MTSS2: variants seen among roughly 807,000 people sequenced by gnomAD.
MTSS2 encodes the protein protein MTSS 2.
MTSS2 carries 27 observed loss-of-function variants against 67.1 expected under a neutral mutation model. The observed-to-expected ratio is 0.40, with a 90% CI of 0.30 to 0.55. The LOEUF is 0.55. Ranked by LOEUF, MTSS2 falls within the 20% of genes least tolerant of loss-of-function variation. MTSS2 has a pLI of 0.43. For missense variants in MTSS2, 1,171 were observed against 1,067.8 expected, an observed-to-expected ratio of 1.10 and a Z score of -1.35; for synonymous variants, 624 against 468.6, an observed-to-expected ratio of 1.33 and a Z score of -4.28.
intron 11 of MTSS2, among the ~76,000 whole-genome samples, chr16:70,668,420 C>A (rs1354837133): frequency 6.9e-6 from 1 of 145,124 alleles, no homozygotes. Flanking sequence ...AAAAAAAAGA[C>A]TTTTTATAAA....
intron 4 of MTSS2, 37 bp downstream of exon 4, chr16:70,679,932 GTC>G: frequency 1.4e-6 from 1 of 709,050 alleles, no homozygotes; most frequent in Non-Finnish European, 2.2e-6. Flanking sequence ...GCGACGCCCC[GTC>G]CCCCCGCCCC....
rs755009603 is a variant in MTSS2, at chr16:70,664,583, G to A, written c.1471+15C>T. The A allele has an allele frequency of 8.7e-6, 14 of 1,609,750 alleles. No homozygotes were observed. Among genetic ancestry groups the A allele is most frequent in the South Asian group, 1.1e-5 (1 of 90,898 alleles). ...CCCAGCTGTCCCTGGTCCCACCCCA[G>A]CCCCGCGGGCCTGCCTTGGGAGGGG... On this transcript the variant is annotated intron_variant, in intron 14 of 14. Coordinates refer to ENST00000338779, the MANE Select transcript of MTSS2 (RefSeq NM_138383.3).
At position 70,679,952 on chromosome 16, in the gene MTSS2, GC is replaced by G; in HGVS notation, c.290+18del. The G allele has an allele frequency of 1.5e-6, 1 of 679,556 alleles. No homozygotes were observed. The highest frequency in any genetic ancestry group is 2.3e-6 in the Non-Finnish European group (1 of 436,508). The allele number at this position is 679,556 out of a possible 1,614,324, so 42.1% of individuals were successfully genotyped here. A position where few individuals can be genotyped will look rare whatever the true frequency, so the allele number is the denominator to read the frequency against. On this transcript the variant is annotated intron_variant, in intron 4 of 14. Transcript: ENST00000338779. ...GCCCCGTCCCCCCGCCCCCCTGCCC[GC>G]CCGCAGCGCCCACTCACTTGGTGAA...
At chr16:70,666,779 G>A (rs1308242832) in intron 11 of MTSS2, among the ~76,000 whole-genome samples, 1 of 152,222 alleles carries the variant, frequency 6.6e-6, no homozygotes, top group Non-Finnish European at 1.5e-5. Context: ...TTCAACACTT[G>A]CTCATGAAAA....
At position 70,668,935 on chromosome 16, in the gene MTSS2, AT is replaced by A. The variant is rs201818828; in HGVS notation, c.1054-3396del. ...CGGCAGTCCAAATTGACTAAGACAG[AT>A]TTTTTTTTTCAATACACTGTTCTGG... On this transcript the variant is annotated intron_variant, in intron 11 of 14. Coordinates refer to ENST00000338779, the MANE Select transcript of MTSS2 (RefSeq NM_138383.3). Among the ~76,000 whole-genome samples the A allele has an allele frequency of 7.3e-5, 11 of 150,634 alleles. No homozygotes were observed. The East Asian group carries it at 7.8e-4, about 11-fold the overall frequency.
rs1310722433 is a variant in MTSS2 at position 70,665,596 on chromosome 16, G to A, written c.1054-56C>T. Reference sequence around the variant, plus strand: ...GACAGAGGGGCCGGCAGGCAGCAAGGAGGAGAGGAGAGAACAGTTTTGGTC... The same window carrying A: ...GACAGAGGGGCCGGCAGGCAGCAAGAAGGAGAGGAGAGAACAGTTTTGGTC... On this transcript the variant is annotated intron_variant, in intron 11 of 14. Coordinates refer to ENST00000338779, the MANE Select transcript of MTSS2 (RefSeq NM_138383.3). 4.1e-6 allele frequency: 6 copies of A among 1,448,988 alleles called. No individual in the cohort carries two copies. In the Admixed American group the frequency reaches 1.0e-4, roughly 24 times the overall value. The allele number at this position is 1,448,988 out of a possible 1,614,324, so 89.8% of individuals were successfully genotyped here. A position where few individuals can be genotyped will look rare whatever the true frequency, so the allele number is the denominator to read the frequency against.
In MTSS2 at chr16:70,680,014, T is replaced by C; in HGVS notation, c.247A>G (p.Met83Val). 5.2e-6 allele frequency: 8 copies of C among 1,538,714 alleles called. No individual in the cohort carries two copies. The highest frequency in any genetic ancestry group is 6.9e-6 in the Non-Finnish European group (8 of 1,151,460). The change falls in exon 4 of 15, where the codon ATG (methionine) becomes GTG (valine). Residue 83 changes from methionine to valine, a missense_variant. Physicochemically the swap from Met to Val is conservative, Grantham distance 21. Transcript: ENST00000338779. ...TTGGTCTCGATGCTGCGGTGGCGCATGCACATGCGTGTGAGCGCCGAGCCG... is the reference window on the plus strand; with the variant it reads ...TTGGTCTCGATGCTGCGGTGGCGCACGCACATGCGTGTGAGCGCCGAGCCG... ...DIGSALTRMC[M>V]RHRSIETKLR...
rs556730482 is a variant in MTSS2, at chr16:70,667,387, T to C, written c.1054-1847A>G. ...TAGAATTAGTAAGGGGTTAACCCTT[T>C]AACAAGATTATTAGAACAAAATCCG... On this transcript the variant is annotated intron_variant, in intron 11 of 14. Transcript: ENST00000338779. Among the ~76,000 whole-genome samples the C allele has an allele frequency of 3.4e-4, 52 of 151,504 alleles. No homozygotes were observed. In the South Asian group the frequency reaches 0.01, roughly 30 times the overall value.
intron 10 of MTSS2, 68 bp downstream of exon 10, chr16:70,676,813 C>A: frequency 7.2e-7 from 1 of 1,379,348 alleles, no homozygotes; most frequent in Non-Finnish European, 1.0e-6. Flanking sequence ...TGCAATTTTG[C>A]TGGGAACATC....
Position 70,664,409 on chromosome 16 carries a change from G to A in MTSS2, c.1512C>T (p.Asp504=), listed in dbSNP as rs372253854. The A allele has an allele frequency of 6.4e-7, 1 of 1,553,538 alleles. No homozygotes were observed. The highest frequency in any genetic ancestry group is 8.7e-7 in the Non-Finnish European group (1 of 1,154,610). The part of the protein sequence containing the change: ...YDCYSVNGDA[D]SEGPPEFDKS... ...TGTCAAACTCGGGCGGGCCCTCGCT[G>A]TCCGCATCCCCATTCACGGAGTAGC... is the stretch of plus-strand genomic sequence containing the variant. The change falls in exon 15 of 15, where the codon GAC becomes GAT. Residue 504 remains aspartate (D), a synonymous_variant. Coordinates refer to ENST00000338779, the MANE Select transcript of MTSS2 (RefSeq NM_138383.3).
chr16:70,668,252 A>G (rs1023222977), intron 11 of MTSS2, among the ~76,000 whole-genome samples: 2 of 151,964 alleles, frequency 1.3e-5, no homozygotes, highest in Non-Finnish European at 2.9e-5. Flanking sequence ...AATACAAAAA[A>G]TACAAAAAAT....
At chr16:70,674,754 G>C (rs1029030066) in intron 10 of MTSS2, among the ~76,000 whole-genome samples, 12 of 152,228 alleles carry the variant, frequency 7.9e-5, no homozygotes, top group African/African-American at 2.2e-4. Context: ...CCAGTGCTGA[G>C]GGGAGCCGTG....
At chr16:70,668,240 C>T (rs1162694242) in intron 11 of MTSS2, among the ~76,000 whole-genome samples, 1 of 151,574 alleles carries the variant, frequency 6.6e-6, no homozygotes, top group African/African-American at 2.4e-5. Flanking sequence ...TGACAAAACC[C>T]CAATACAAAA....
At chr16:70,679,207 G>GC in intron 7 of MTSS2, 108 bp downstream of exon 7, 1 of 1,422,852 alleles carries the variant, frequency 7.0e-7, no homozygotes, top group Non-Finnish European at 9.9e-7. Context: ...CGCCTTCCTC[G>GC]CTTCTCCTTG....
rs1384213376 is a variant in MTSS2, at chr16:70,663,510, C to T, written c.*167G>A. The T allele has an allele frequency of 5.4e-6, 7 of 1,300,994 alleles. No homozygotes were observed. The highest frequency in any genetic ancestry group is 1.5e-5 in the African/African-American group (1 of 66,074). 80.6% of individuals were successfully genotyped at this position (1,300,994 alleles called of 1,614,324 possible). ...GCCAGGCTTGCTAAGAAGTCACTTC[C>T]TGTTTAAATGCTGGAATCCAAGTGA... On this transcript the variant is annotated 3_prime_UTR_variant, in exon 15 of 15. Coordinates refer to ENST00000338779, the MANE Select transcript of MTSS2 (RefSeq NM_138383.3).
intron 11 of MTSS2, among the ~76,000 whole-genome samples, chr16:70,667,351 C>A (rs1390220897): frequency 6.8e-6 from 1 of 146,172 alleles, no homozygotes; most frequent in Non-Finnish European, 1.5e-5. Context: ...AAGAAAGAAT[C>A]TACAAATTAT....
At chr16:70,668,334 G>A (rs921024120) in intron 11 of MTSS2, among the ~76,000 whole-genome samples, 2 of 152,010 alleles carry the variant, frequency 1.3e-5, no homozygotes, top group Non-Finnish European at 2.9e-5. Flanking sequence ...GCTTAAGCCT[G>A]GGGACAGAGG....
Position 70,661,493 on chromosome 16 carries a change from C to A in MTSS2, c.*2184G>T. Reference sequence around the variant, plus strand: ...CAGGAAAGTTACTTCAGTCAAAAGACGCTTTTGAAAAGAATATTTCTCCGT... The same window carrying A: ...CAGGAAAGTTACTTCAGTCAAAAGAAGCTTTTGAAAAGAATATTTCTCCGT... On this transcript the variant is annotated 3_prime_UTR_variant, in exon 15 of 15. Transcript: ENST00000338779. 2.9e-6 allele frequency: 1 copy of A among 350,612 alleles called. No homozygotes were observed. Among genetic ancestry groups the A allele is most frequent in the Non-Finnish European group, 5.6e-6 (1 of 177,696 alleles). 21.7% of individuals were successfully genotyped at this position (350,612 alleles called of 1,614,324 possible). A position where few individuals can be genotyped will look rare whatever the true frequency, so the allele number is the denominator to read the frequency against.
chr16:70,665,913 A>G (rs141619653), intron 11 of MTSS2: 2,103 of 193,564 alleles, frequency 0.011, 48 homozygotes, highest in African/African-American at 0.044. Flanking sequence ...TTTCTCAGAC[A>G]GGACACGGGG....
Sources: allele counts gnomAD v4.1 joint callset (sites outside exome capture counted in the v4.1 genomes callset), GRCh38; gene constraint gnomAD v4.1.1; transcripts MANE v1.5; gene names NCBI Gene and HGNC (gene_info 2026-07-23, HGNC 2026-07-21).